The following TBC1D22A variants were observed in gnomAD, a reference collection of about 807,000 sequenced individuals.
The protein encoded by TBC1D22A is putative GTPase activator.
TBC1D22A carries 38 observed loss-of-function variants against 60.2 expected under a neutral mutation model. The observed-to-expected ratio is 0.63, with a 90% CI of 0.49 to 0.83. The LOEUF is 0.83. Ranked by LOEUF, TBC1D22A falls within the 40% of genes least tolerant of loss-of-function variation. The pLI is 0.00. For missense variants in TBC1D22A, 628 were observed against 701.0 expected, an observed-to-expected ratio of 0.90 and a Z score of 1.18; for synonymous variants, 302 against 281.7, an observed-to-expected ratio of 1.07 and a Z score of -0.72.
chr22:46,857,961 T>C (rs537829239), intron 4 of TBC1D22A, among the ~76,000 whole-genome samples: 3 of 152,314 alleles, frequency 2.0e-5, no homozygotes. Flanking sequence ...GTTTTTGCAG[T>C]CGTGTTTTCC....
intron 8 of TBC1D22A, among the ~76,000 whole-genome samples, chr22:46,947,073 C>T (rs1303210714): frequency 6.6e-6 from 1 of 152,182 alleles, no homozygotes; most frequent in Non-Finnish European, 1.5e-5. Flanking sequence ...CAGGCCCAGC[C>T]TCCCCAGGCC....
Position 47,020,270 on chromosome 22 carries a change from G to A in TBC1D22A, c.1202-16801G>A, listed in dbSNP as rs192553672. Reference sequence around the variant, plus strand: ...TCACCCAGTCAGCTGACCAGCAGCCGGTGGTGGGAGGCTCTGGGATCAGGG... The same window carrying A: ...TCACCCAGTCAGCTGACCAGCAGCCAGTGGTGGGAGGCTCTGGGATCAGGG... On this transcript the variant is annotated intron_variant, in intron 10 of 12. Transcript: ENST00000337137. Among the ~76,000 whole-genome samples, 315 of 152,264 alleles carry A rather than the reference G, an allele frequency of 2.1e-3. 4 individuals are homozygous for A. The highest frequency in any genetic ancestry group is 7.3e-3 in the African/African-American group (302 of 41,540).
In TBC1D22A at chr22:46,777,636, C is replaced by A. The variant is rs1283039588; in HGVS notation, c.62+14788C>A. ...AGTCTGGGGCATGCAGAGAGGCTGG[C>A]AGGAGGCAGAGGAGGGAGCAAGAAG... On this transcript the variant is annotated intron_variant, in intron 1 of 12. Transcript: ENST00000337137. This position sits in a 1 kb window ranked among gnomAD's most constrained non-coding sequence, Gnocchi z 4.5. 6.6e-6 allele frequency among the ~76,000 whole-genome samples: 1 copy of A among 152,062 alleles called. No individual in the cohort carries two copies. Among genetic ancestry groups the A allele is most frequent in the Non-Finnish European group, 1.5e-5 (1 of 68,006 alleles).
At chr22:46,776,350 T>G (rs1029159387) in intron 1 of TBC1D22A, among the ~76,000 whole-genome samples, 2 of 151,928 alleles carry the variant, frequency 1.3e-5, no homozygotes, top group Admixed American at 1.3e-4. Flanking sequence ...CAGCTGTGGC[T>G]GTATGGTGGG....
At chr22:46,875,957 C>G (rs188536724) in intron 4 of TBC1D22A, among the ~76,000 whole-genome samples, 2 of 152,114 alleles carry the variant, frequency 1.3e-5, no homozygotes, top group Admixed American at 1.3e-4. Context: ...TGCTCATGAC[C>G]CCCCCTGTCA....
At chr22:47,131,122 G>A (rs1024860798) in intron 12 of TBC1D22A, among the ~76,000 whole-genome samples, 1 of 152,204 alleles carries the variant, frequency 6.6e-6, no homozygotes, top group African/African-American at 2.4e-5. Context: ...CCACAGGGAA[G>A]GGACCAAGCC....
chr22:46,929,015 G>C (rs1013222815), intron 8 of TBC1D22A, among the ~76,000 whole-genome samples: 4 of 152,180 alleles, frequency 2.6e-5, no homozygotes, highest in African/African-American at 9.7e-5. Context: ...GCAAAATGTT[G>C]TAAAATTAGA....
At chr22:46,776,616 C>T (rs1386392696) in intron 1 of TBC1D22A, among the ~76,000 whole-genome samples, 4 of 151,858 alleles carry the variant, frequency 2.6e-5, no homozygotes. Flanking sequence ...AGGCTCAGGT[C>T]AAGGAACTGG....
intron 12 of TBC1D22A, among the ~76,000 whole-genome samples, chr22:47,126,039 T>TGGCAC (rs2147101759): frequency 6.6e-6 from 1 of 152,334 alleles, no homozygotes; most frequent in South Asian, 2.1e-4. Context: ...TGGAGTGCAG[T>TGGCAC]GGCACGATCT....
intron 11 of TBC1D22A, among the ~76,000 whole-genome samples, chr22:47,092,387 G>A (rs2065011518): frequency 6.6e-6 from 1 of 152,188 alleles, no homozygotes; most frequent in African/African-American, 2.4e-5. Flanking sequence ...GGGGCCTTGG[G>A]TTGGTGGTGG....
chr22:46,874,174 G>T (rs2067425728), intron 4 of TBC1D22A, among the ~76,000 whole-genome samples: 2 of 152,122 alleles, frequency 1.3e-5, no homozygotes, highest in Admixed American at 1.3e-4. Flanking sequence ...TTTCTTTATG[G>T]AGTCTCTCAT....
chr22:47,162,969 A>G (rs1052542030), intron 12 of TBC1D22A, among the ~76,000 whole-genome samples: 1 of 152,178 alleles, frequency 6.6e-6, no homozygotes, highest in Admixed American at 6.5e-5. Flanking sequence ...CCCACGCCCA[A>G]TCTGCGAACC....
At chr22:47,083,092 C>T (rs866238889) in intron 11 of TBC1D22A, among the ~76,000 whole-genome samples, 14 of 152,156 alleles carry the variant, frequency 9.2e-5, no homozygotes, top group Admixed American at 2.0e-4. Context: ...ATTTCACTTA[C>T]GCTAAGTTCT....
At chr22:46,912,640 T>C (rs769826455) in intron 8 of TBC1D22A, among the ~76,000 whole-genome samples, 6 of 152,184 alleles carry the variant, frequency 3.9e-5, no homozygotes, top group Admixed American at 1.3e-4. Flanking sequence ...AACTGCAACC[T>C]CTGCCTCCCG....
intron 1 of TBC1D22A, among the ~76,000 whole-genome samples, chr22:46,791,182 C>G (rs1295353098): frequency 6.6e-6 from 1 of 152,196 alleles, no homozygotes; most frequent in Non-Finnish European, 1.5e-5. Flanking sequence ...CCACGCCCAG[C>G]CAATTTTTTT....
intron 10 of TBC1D22A, among the ~76,000 whole-genome samples, chr22:47,007,050 G>A (rs1475779832): frequency 5.3e-5 from 8 of 152,080 alleles, no homozygotes; most frequent in Non-Finnish European, 1.0e-4. Context: ...TCGATGGTGC[G>A]GTACACCTGC....
chr22:46,827,928 G>A (rs1253530502), intron 4 of TBC1D22A, among the ~76,000 whole-genome samples: 1 of 152,212 alleles, frequency 6.6e-6, no homozygotes, highest in African/African-American at 2.4e-5. Flanking sequence ...TATATGGCAT[G>A]GGTGCTCCCC....
chr22:47,077,362 T>A (rs1022900363), intron 11 of TBC1D22A, among the ~76,000 whole-genome samples: 1 of 152,224 alleles, frequency 6.6e-6, no homozygotes, highest in African/African-American at 2.4e-5. Context: ...GCTTGGGATG[T>A]GACTTACTTG....
At chr22:46,840,317 C>T (rs1279958042) in intron 4 of TBC1D22A, among the ~76,000 whole-genome samples, 3 of 152,284 alleles carry the variant, frequency 2.0e-5, no homozygotes, top group Middle Eastern at 6.8e-3. Flanking sequence ...ATAGACATTT[C>T]TCAAAAGAAG....
Sources: gnomAD v4.1 joint callset for allele counts (sites outside exome capture counted in the v4.1 genomes callset) on GRCh38, gnomAD v4.1.1 for gene constraint, Gnocchi (gnomAD v3.1) non-coding constraint, MANE v1.5 for transcripts, NCBI Gene and HGNC (gene_info 2026-07-23, HGNC 2026-07-21) for gene names.